The following NFIC variants were observed in gnomAD, a reference collection of about 807,000 sequenced individuals.
NFIC encodes the protein nuclear factor I C, also known as nuclear factor 1 C-type.
A neutral mutation model predicts 54.4 loss-of-function variants in NFIC; 12 were observed. The observed-to-expected ratio is 0.22, with a 90% confidence interval of 0.14 to 0.36. NFIC has a LOEUF of 0.36. NFIC is among the 10% of genes least tolerant of loss of function. The pLI is 1.00. For synonymous variants in NFIC, 322 were observed against 319.2 expected, an observed-to-expected ratio of 1.01 and a Z score of -0.09; for missense variants, 575 against 718.2, an observed-to-expected ratio of 0.80 and a Z score of 2.28.
chr19:3,445,664 TC>T (rs1170509240), intron 6 of NFIC, among the ~76,000 whole-genome samples: 1 of 151,804 alleles, frequency 6.6e-6, no homozygotes, highest in Admixed American at 6.6e-5. Context: ...GAGCTGCATG[TC>T]CCCCCACAGC....
chr19:3,400,910 TAAA>T (rs968392612), intron 2 of NFIC, among the ~76,000 whole-genome samples: 7 of 151,486 alleles, frequency 4.6e-5, no homozygotes, highest in Admixed American at 2.6e-4. Context: ...TCAAGAAAAA[TAAA>T]GAAGGCCAAA....
chr19:3,443,017 G>A (rs551972145), intron 6 of NFIC, among the ~76,000 whole-genome samples: 3 of 152,354 alleles, frequency 2.0e-5, no homozygotes, highest in African/African-American at 7.2e-5. Flanking sequence ...TCTTGACATG[G>A]AGTGGGTCGA....
chr19:3,451,523 A>C (rs1458787268), intron 7 of NFIC, among the ~76,000 whole-genome samples: 1 of 151,726 alleles, frequency 6.6e-6, no homozygotes, highest in Non-Finnish European at 1.5e-5. Flanking sequence ...AGTCCGTGCT[A>C]CTCAGGCCGA....
intron 1 of NFIC, among the ~76,000 whole-genome samples, chr19:3,367,005 C>T (rs942077874): frequency 2.0e-5 from 3 of 151,400 alleles, no homozygotes; most frequent in Non-Finnish European, 4.4e-5. Flanking sequence ...CCCCGACACT[C>T]GGAAAGGTCG....
At chr19:3,403,385 C>T (rs1599622470) in intron 2 of NFIC, among the ~76,000 whole-genome samples, 2 of 152,202 alleles carry the variant, frequency 1.3e-5, no homozygotes, top group South Asian at 2.1e-4. Flanking sequence ...TCGGATCTTC[C>T]GTTTCCCCCT....
upstream of NFIC, among the ~76,000 whole-genome samples, chr19:3,362,970 C>T (rs1050101621): frequency 6.6e-6 from 1 of 151,972 alleles, no homozygotes; most frequent in Non-Finnish European, 1.5e-5. Context: ...TTTAAGTTTT[C>T]CTTTAATTAC....
chr19:3,436,335 TTTG>T (rs1460738055), intron 6 of NFIC, among the ~76,000 whole-genome samples: 2 of 122,428 alleles, frequency 1.6e-5, no homozygotes, highest in East Asian at 3.0e-4. Context: ...TTTTTTTTTT[TTTG>T]GTAGAGATGG....
At chr19:3,377,537 C>T (rs1186216351) in intron 1 of NFIC, among the ~76,000 whole-genome samples, 2 of 152,064 alleles carry the variant, frequency 1.3e-5, no homozygotes, top group African/African-American at 4.8e-5. Context: ...GCTTCTCTTT[C>T]TCTTCTTGTT....
intron 10 of NFIC, 98 bp from the exon 11 acceptor site, chr19:3,462,654 G>C: frequency 7.4e-6 from 10 of 1,358,318 alleles, no homozygotes; most frequent in Non-Finnish European, 1.0e-5. Flanking sequence ...TGGGGGGTGA[G>C]CGTGGGAAGA....
chr19:3,376,958 G>A (rs1004902191), intron 1 of NFIC, among the ~76,000 whole-genome samples: 18 of 151,652 alleles, frequency 1.2e-4, no homozygotes, highest in Non-Finnish European at 2.2e-4. Context: ...TCAAACTCCT[G>A]ACCTCAGATG....
At chr19:3,363,228 T>TGTATGTGTGTGTGTGTGTGTGC (rs2080832839), upstream of NFIC, among the ~76,000 whole-genome samples, 1 of 61,870 alleles carries the variant, frequency 1.6e-5, no homozygotes, top group Non-Finnish European at 3.0e-5. Flanking sequence ...TGTATATGTA[T>TGTATGTGTGTGTGTGTGTGTGC]GTGTATGTGT....
chr19:3,367,476 C>G (rs963908580), intron 1 of NFIC, among the ~76,000 whole-genome samples: 8 of 82,870 alleles, frequency 9.7e-5, no homozygotes, highest in Non-Finnish European at 1.9e-4. Context: ...GCCCCGTCCC[C>G]TCCCCCTCCC....
chr19:3,395,079 C>T (rs147828032), intron 2 of NFIC, among the ~76,000 whole-genome samples: 1 of 152,218 alleles, frequency 6.6e-6, no homozygotes, highest in Non-Finnish European at 1.5e-5. Flanking sequence ...TCCAAGGAGG[C>T]TGGGCGCGGT....
chr19:3,460,288 G>A (rs887159758), intron 10 of NFIC, among the ~76,000 whole-genome samples: 12 of 152,192 alleles, frequency 7.9e-5, no homozygotes, highest in African/African-American at 2.7e-4. Context: ...AGAGGCAGGC[G>A]AGGGGGTTGG....
chr19:3,408,922 G>A (rs150767634), intron 2 of NFIC, among the ~76,000 whole-genome samples: 6,058 of 152,110 alleles, frequency 0.04, 411 homozygotes, highest in African/African-American at 0.14. Context: ...TGTAGAGATG[G>A]GGTCTTGCTA....
rs917589953 is a variant in NFIC, at chr19:3,463,809, C to T, written c.*1040C>T. ...CTGGAGCGCCCCCGTCAGCCCCTGG[C>T]GGTGGGAGGTGAGAGCGAGTGGTTT... On this transcript the variant is annotated 3_prime_UTR_variant, in exon 11 of 11. Coordinates refer to ENST00000443272, the MANE Select transcript of NFIC (RefSeq NM_001245002.2). 3 of 985,216 alleles carry T rather than the reference C, an allele frequency of 3.0e-6. No homozygotes were observed. The highest frequency in any genetic ancestry group is 3.6e-6 in the Non-Finnish European group (3 of 829,852). 61.0% of individuals were successfully genotyped at this position (985,216 alleles called of 1,614,324 possible). A position where few individuals can be genotyped will look rare whatever the true frequency, so the allele number is the denominator to read the frequency against.
intron 2 of NFIC, among the ~76,000 whole-genome samples, chr19:3,417,403 A>C (rs2081878673): frequency 6.6e-6 from 1 of 152,152 alleles, no homozygotes. Flanking sequence ...GAGCAGATTT[A>C]ATCAGATGGG....
At chr19:3,409,919 A>G (rs115648510) in intron 2 of NFIC, among the ~76,000 whole-genome samples, 5,115 of 152,184 alleles carry the variant, frequency 0.034, 281 homozygotes, top group African/African-American at 0.12. Context: ...TTGAAATACA[A>G]TTTGCTGGCC....
chr19:3,388,184 G>C (rs1333633453), intron 2 of NFIC, among the ~76,000 whole-genome samples: 3 of 152,094 alleles, frequency 2.0e-5, no homozygotes, highest in Admixed American at 6.5e-5. Context: ...GAAGCTCATA[G>C]CACGCCAGAG....
Sources: gnomAD v4.1 joint callset for allele counts (sites outside exome capture counted in the v4.1 genomes callset) on GRCh38, gnomAD v4.1.1 for gene constraint, MANE v1.5 for transcripts, NCBI Gene and HGNC (gene_info 2026-07-23, HGNC 2026-07-21) for gene names.